CTNNA2: variants seen among roughly 807,000 people sequenced by gnomAD.
The protein encoded by CTNNA2 is catenin alpha-2.
In CTNNA2, 42 loss-of-function variants were observed where a neutral mutation model predicts 101.0. That is an observed-to-expected ratio of 0.42 (90% confidence interval 0.32 to 0.54). CTNNA2 has a LOEUF of 0.54. Ranked by LOEUF, CTNNA2 falls within the 20% of genes least tolerant of loss-of-function variation. The pLI is 0.14. For synonymous variants in CTNNA2, 450 were observed against 456.4 expected (o/e 0.99, Z 0.18); for missense variants, 871 against 1,223.1 (o/e 0.71, Z 4.29).
chr2:79,230,722 T>C (rs1319139988), intron 2 of CTNNA2, among the ~76,000 whole-genome samples: 6 of 152,124 alleles, frequency 3.9e-5, no homozygotes, highest in African/African-American at 1.4e-4. Flanking sequence ...AGGCACTCAA[T>C]GCTAGCCCAT....
At chr2:79,394,087 T>C (rs1054855270) in intron 4 of CTNNA2, among the ~76,000 whole-genome samples, 6 of 152,122 alleles carry the variant, frequency 3.9e-5, no homozygotes, top group African/African-American at 1.4e-4. Context: ...AGTGGTCACG[T>C]ACACTCACCA....
rs538226732 is a variant in CTNNA2, at chr2:80,044,111, A to G, written c.1056+134314A>G. 3.3e-5 allele frequency among the ~76,000 whole-genome samples: 5 copies of G among 152,342 alleles called. 1 individual carries two copies. The South Asian group carries it at 1.0e-3, about 32-fold the overall frequency. On this transcript the variant is annotated intron_variant, in intron 7 of 18. Coordinates refer to ENST00000402739, the MANE Select transcript of CTNNA2 (RefSeq NM_001282597.3). ...AACAGGATTTCTGACTCAATTTAAAATCTGTCCAGAGGATATTTATTATTG... is the reference window on the plus strand; with the variant it reads ...AACAGGATTTCTGACTCAATTTAAAGTCTGTCCAGAGGATATTTATTATTG...
chr2:80,278,065 C>T (rs1020444623), intron 7 of CTNNA2, among the ~76,000 whole-genome samples: 23 of 151,988 alleles, frequency 1.5e-4, no homozygotes, highest in African/African-American at 3.1e-4. Context: ...TGACACCTGC[C>T]GTTGTCCAGG....
At chr2:80,522,682 A>G (rs1689671831) in intron 9 of CTNNA2, among the ~76,000 whole-genome samples, 1 of 151,910 alleles carries the variant, frequency 6.6e-6, no homozygotes, top group South Asian at 2.1e-4. Flanking sequence ...TTGTTTAAGT[A>G]TGTAGCACCC....
intron 7 of CTNNA2, among the ~76,000 whole-genome samples, chr2:80,026,488 T>C (rs1004643897): frequency 1.3e-5 from 2 of 152,172 alleles, no homozygotes; most frequent in Non-Finnish European, 2.9e-5. Context: ...GTTTTCCTGC[T>C]GGCTGTGGAG....
At chr2:80,492,645 A>G (rs1430519230) in intron 9 of CTNNA2, among the ~76,000 whole-genome samples, 1 of 152,096 alleles carries the variant, frequency 6.6e-6, no homozygotes, top group African/African-American at 2.4e-5. Flanking sequence ...GTCCTCCCTT[A>G]GTTGCCCACA....
intron 2 of CTNNA2, among the ~76,000 whole-genome samples, chr2:79,712,841 C>G (rs1038365843): frequency 6.6e-6 from 1 of 152,098 alleles, no homozygotes; most frequent in African/African-American, 2.4e-5. Context: ...TGGATGCAGT[C>G]TTAAGGATAA....
rs114790280 is a variant in CTNNA2, at chr2:80,230,577, C to T, written c.1057-162634C>T. Among the ~76,000 whole-genome samples, 209 of 152,030 alleles carry T rather than the reference C, an allele frequency of 1.4e-3. 1 individual carries two copies. Among genetic ancestry groups the T allele is most frequent in the Non-Finnish European group, 2.4e-3 (165 of 67,988 alleles). On this transcript the variant is annotated intron_variant, in intron 7 of 18. Coordinates refer to ENST00000402739, the MANE Select transcript of CTNNA2 (RefSeq NM_001282597.3). ...ACCTGTTCCCATTTGAAAAAGCAGA[C>T]GGAAAAGGGAAAGTTTTCTGGGCCA...
rs778612479 is a variant in CTNNA2, at chr2:79,395,462, A to G, written c.-135+21449A>G. Among the ~76,000 whole-genome samples, 14 of 151,930 alleles carry G rather than the reference A, an allele frequency of 9.2e-5. 1 individual carries two copies. Among genetic ancestry groups the G allele is most frequent in the Admixed American group, 5.2e-4 (8 of 15,244 alleles). On this transcript the variant is annotated intron_variant, in intron 4 of 21. Transcript: ENST00000466387. ...TGTGTCCATGTGTTCTCATTGTTCAATTCCCACCTATGAGTGAGAATATTT... is the reference window on the plus strand; with the variant it reads ...TGTGTCCATGTGTTCTCATTGTTCAGTTCCCACCTATGAGTGAGAATATTT...
chr2:79,350,225 C>T (rs1677357498), intron 3 of CTNNA2, among the ~76,000 whole-genome samples: 1 of 151,970 alleles, frequency 6.6e-6, no homozygotes, highest in Admixed American at 6.6e-5. Context: ...CTAGGGTCCC[C>T]ATCTCCCAAA....
intron 9 of CTNNA2, among the ~76,000 whole-genome samples, chr2:80,462,377 G>A (rs755014795): frequency 6.6e-6 from 1 of 152,148 alleles, no homozygotes; most frequent in Non-Finnish European, 1.5e-5. Flanking sequence ...GCAGCAAATA[G>A]AGTCTCTATC....
chr2:79,511,177 G>C (rs1007756132), upstream of CTNNA2, among the ~76,000 whole-genome samples: 1 of 152,078 alleles, frequency 6.6e-6, no homozygotes, highest in Non-Finnish European at 1.5e-5. Flanking sequence ...CAGATTCTTG[G>C]ACCATTCAAA....
intron 7 of CTNNA2, among the ~76,000 whole-genome samples, chr2:80,341,022 G>A (rs1169965990): frequency 2.0e-5 from 3 of 152,140 alleles, no homozygotes; most frequent in African/African-American, 7.2e-5. Context: ...CCAGATGAAG[G>A]AGTACACAGG....
chr2:79,288,754 A>G (rs566657601), intron 2 of CTNNA2, among the ~76,000 whole-genome samples: 3 of 152,196 alleles, frequency 2.0e-5, no homozygotes, highest in Non-Finnish European at 4.4e-5. Flanking sequence ...GCTCAGTAAT[A>G]CTTCTAATGT....
intron 7 of CTNNA2, among the ~76,000 whole-genome samples, chr2:80,098,696 T>C (rs537893012): frequency 2.0e-5 from 3 of 152,270 alleles, no homozygotes; most frequent in South Asian, 4.1e-4. Context: ...TACTCAAGCC[T>C]CGGAAATGGC....
At chr2:79,435,588 A>G (rs1490136828) in intron 4 of CTNNA2, among the ~76,000 whole-genome samples, 1 of 152,206 alleles carries the variant, frequency 6.6e-6, no homozygotes, top group Non-Finnish European at 1.5e-5. Context: ...TCCCTCTCAG[A>G]TGAAAACTCA....
chr2:79,246,481 G>A (rs1232584566), intron 2 of CTNNA2, among the ~76,000 whole-genome samples: 1 of 152,186 alleles, frequency 6.6e-6, no homozygotes, highest in Non-Finnish European at 1.5e-5. Flanking sequence ...TGTCATGCAA[G>A]TCCACAGGAA....
chr2:80,056,784 G>A (rs932954202), intron 7 of CTNNA2, among the ~76,000 whole-genome samples: 4 of 152,190 alleles, frequency 2.6e-5, no homozygotes, highest in East Asian at 1.9e-4. Flanking sequence ...TGTCTCATCA[G>A]AACTCCCACC....
At chr2:79,242,460 C>T (rs1267607672) in intron 2 of CTNNA2, among the ~76,000 whole-genome samples, 1 of 152,080 alleles carries the variant, frequency 6.6e-6, no homozygotes, top group East Asian at 1.9e-4. Flanking sequence ...ACTATTCCTT[C>T]TAACTTTGCG....
Sources: allele counts gnomAD v4.1 joint callset (sites outside exome capture counted in the v4.1 genomes callset), GRCh38; gene constraint gnomAD v4.1.1; transcripts MANE v1.5; gene names NCBI Gene and HGNC (gene_info 2026-07-23, HGNC 2026-07-21).